Variants in RNF220 observed in about 807,000 individuals in gnomAD.
RNF220 encodes ring finger protein 220.
Under a neutral mutation model 67.1 loss-of-function variants are expected in RNF220, and 7 were observed. The observed-to-expected ratio is 0.10, with a 90% CI of 0.06 to 0.20. The LOEUF is 0.20. Among genes scored for constraint, RNF220 ranks in the 10% least tolerant of loss-of-function variants. The pLI is 1.00. For synonymous variants in RNF220, 270 were observed against 283.2 expected, an observed-to-expected ratio of 0.95 and a Z score of 0.47; for missense variants, 565 against 740.3, an observed-to-expected ratio of 0.76 and a Z score of 2.75.
intron 2 of RNF220, among the ~76,000 whole-genome samples, chr1:44,567,357 T>G (rs77034226): frequency 0.02 from 2,994 of 152,152 alleles, 98 homozygotes; most frequent in African/African-American, 0.068. Context: ...TTCCCAGCTG[T>G]GTATGATCCT....
intron 2 of RNF220, among the ~76,000 whole-genome samples, chr1:44,554,503 C>G (rs1438992244): frequency 6.6e-6 from 1 of 152,206 alleles, no homozygotes; most frequent in African/African-American, 2.4e-5. Flanking sequence ...CTCAATAAAG[C>G]TCTCTGTCCT....
chr1:44,618,273 A>G (rs564987279), intron 3 of RNF220, among the ~76,000 whole-genome samples: 2 of 152,286 alleles, frequency 1.3e-5, no homozygotes, highest in Admixed American at 6.5e-5. Context: ...ACGCAAACAT[A>G]TACAGGACAT....
intron 3 of RNF220, among the ~76,000 whole-genome samples, chr1:44,618,660 T>C (rs920076801): frequency 6.6e-6 from 1 of 152,054 alleles, no homozygotes; most frequent in Admixed American, 6.5e-5. Flanking sequence ...AAGCCGAACA[T>C]TCATGAGCCA....
chr1:44,510,833 G>T (rs966111571), intron 2 of RNF220, among the ~76,000 whole-genome samples: 1 of 152,134 alleles, frequency 6.6e-6, no homozygotes, highest in African/African-American at 2.4e-5. Context: ...TACGGTCAAT[G>T]AATGAATGAA....
At chr1:44,544,902 G>A (rs1661993165) in intron 2 of RNF220, among the ~76,000 whole-genome samples, 1 of 152,218 alleles carries the variant, frequency 6.6e-6, no homozygotes, top group African/African-American at 2.4e-5. Context: ...TTCTCCCACT[G>A]GGTACAGAGA....
chr1:44,532,096 G>A (rs971833311), intron 2 of RNF220, among the ~76,000 whole-genome samples: 1 of 152,108 alleles, frequency 6.6e-6, no homozygotes, highest in African/African-American at 2.4e-5. Flanking sequence ...TCATAATGAT[G>A]TTTTACATAT....
intron 2 of RNF220, among the ~76,000 whole-genome samples, chr1:44,457,563 ATT>A (rs35009326): frequency 8.2e-4 from 122 of 148,984 alleles, no homozygotes; most frequent in African/African-American, 2.9e-3. Flanking sequence ...ATAACCTTGG[ATT>A]TTTTTTTTTT....
Position 44,651,639 on chromosome 1 carries a change from CTG to C in RNF220, c.*868_*869del, listed in dbSNP as rs1432513332. On this transcript the variant is annotated 3_prime_UTR_variant, in exon 15 of 15. Coordinates refer to ENST00000361799, the MANE Select transcript of RNF220 (RefSeq NM_018150.4). ...CTCCCGTGGGCCCTGTGGTGTGATG[CTG>C]TGTCTGTATATTCTATACAAAGGTA... The C allele has an allele frequency of 2.6e-5, 4 of 152,352 alleles. No individual in the cohort carries two copies. The highest frequency in any genetic ancestry group is 7.2e-5 in the African/African-American group (3 of 41,426). The allele number at this position is 152,352 out of a possible 1,614,324, so 9.4% of individuals were successfully genotyped here.
chr1:44,485,633 C>T (rs918804816), intron 2 of RNF220, among the ~76,000 whole-genome samples: 3 of 152,204 alleles, frequency 2.0e-5, no homozygotes, highest in Non-Finnish European at 4.4e-5. Flanking sequence ...AGTGTCACTG[C>T]GGTGACTCTC....
At chr1:44,457,975 A>G (rs558321187) in intron 2 of RNF220, among the ~76,000 whole-genome samples, 1 of 152,278 alleles carries the variant, frequency 6.6e-6, no homozygotes, top group Admixed American at 6.5e-5. Context: ...AGAACAAGAA[A>G]GCCAGGTGTG....
At chr1:44,612,495 T>C (rs1327787928) in intron 2 of RNF220, among the ~76,000 whole-genome samples, 1 of 152,164 alleles carries the variant, frequency 6.6e-6, no homozygotes, top group African/African-American at 2.4e-5. Context: ...AATTCCTCCT[T>C]CGTTTTAGCC....
At chr1:44,585,931 G>A (rs774540814) in intron 2 of RNF220, among the ~76,000 whole-genome samples, 1 of 152,090 alleles carries the variant, frequency 6.6e-6, no homozygotes, top group Non-Finnish European at 1.5e-5. Flanking sequence ...AGACCAGGCT[G>A]TAGACCCGAA....
At chr1:44,450,738 C>T (rs1172925363) in intron 2 of RNF220, among the ~76,000 whole-genome samples, 1 of 152,166 alleles carries the variant, frequency 6.6e-6, no homozygotes, top group Non-Finnish European at 1.5e-5. Context: ...TTGTAATTTA[C>T]TTCCAGTTTT....
intron 2 of RNF220, among the ~76,000 whole-genome samples, chr1:44,427,481 G>T (rs868436061): frequency 5.3e-5 from 8 of 152,194 alleles, no homozygotes; most frequent in Non-Finnish European, 1.0e-4. Flanking sequence ...TGAGTTCCTT[G>T]AGATGGGAAC....
chr1:44,442,291 C>T (rs1416838836), intron 2 of RNF220, among the ~76,000 whole-genome samples: 1 of 151,934 alleles, frequency 6.6e-6, no homozygotes, highest in African/African-American at 2.4e-5. Flanking sequence ...TTCAGGTGTG[C>T]GCCACCACGC....
intron 2 of RNF220, among the ~76,000 whole-genome samples, chr1:44,595,728 T>C (rs1666432112): frequency 6.6e-6 from 1 of 152,032 alleles, no homozygotes; most frequent in Non-Finnish European, 1.5e-5. Flanking sequence ...GGAACAGAGA[T>C]TTTTATTTTA....
intron 2 of RNF220, among the ~76,000 whole-genome samples, chr1:44,531,654 G>C (rs1032159408): frequency 4.6e-5 from 7 of 152,280 alleles, no homozygotes; most frequent in Non-Finnish European, 1.0e-4. Flanking sequence ...CCTGTGATGA[G>C]AGAGAACAGG....
chr1:44,549,077 C>T (rs1213469526), intron 2 of RNF220, among the ~76,000 whole-genome samples: 1 of 152,128 alleles, frequency 6.6e-6, no homozygotes, highest in Admixed American at 6.5e-5. Flanking sequence ...ACCCCAGGTA[C>T]TCAGGAGGCT....
At chr1:44,426,738 A>AAAAGAAAG (rs1553214397) in intron 2 of RNF220, among the ~76,000 whole-genome samples, 2 of 151,748 alleles carry the variant, frequency 1.3e-5, no homozygotes, top group Admixed American at 6.6e-5. Context: ...AAAAAAAAAA[A>AAAAGAAAG]AAAGAAAGAA....
Sources: allele counts gnomAD v4.1 joint callset (sites outside exome capture counted in the v4.1 genomes callset), GRCh38; gene constraint gnomAD v4.1.1; transcripts MANE v1.5; gene names NCBI Gene and HGNC (gene_info 2026-07-23, HGNC 2026-07-21).